Variants in HDAC7 observed in about 807,000 individuals in gnomAD.
HDAC7 encodes the protein histone deacetylase 7.
Under a neutral mutation model 115.5 loss-of-function variants are expected in HDAC7, and 26 were observed. The ratio of observed to expected loss-of-function variants is 0.23; its 90% confidence interval spans 0.16 to 0.31. The LOEUF (loss-of-function observed/expected upper bound fraction) is 0.31. Among genes scored for constraint, HDAC7 ranks in the 10% least tolerant of loss-of-function variants. HDAC7 has a pLI of 1.00. For missense variants in HDAC7, 1,068 were observed against 1,329.0 expected, an observed-to-expected ratio of 0.80 and a Z score of 3.05; for synonymous variants, 564 against 550.9, an observed-to-expected ratio of 1.02 and a Z score of -0.33.
At position 47,797,536 on chromosome 12, in the gene HDAC7, G is replaced by A. The variant is rs945219522; in HGVS notation, c.462-37C>T. On this transcript the variant is annotated intron_variant, in intron 5 of 25. Coordinates refer to ENST00000080059, the MANE Select transcript of HDAC7 (RefSeq NM_015401.5). The surrounding 1 kb of genome is among the most constrained non-coding windows in gnomAD (Gnocchi z 5.5). ...GTGCCAAGGCTGCTTCAGAGGTGTG[G>A]GGACACTGCACGGGCACTGCCCTGA... 23 of 1,505,332 alleles carry A rather than the reference G, an allele frequency of 1.5e-5. No individual in the cohort carries two copies. The highest frequency in any genetic ancestry group is 2.1e-5 in the Non-Finnish European group (23 of 1,093,644). The allele number at this position is 1,505,332 out of a possible 1,614,324, so 93.2% of individuals were successfully genotyped here.
chr12:47,787,950 C>T (rs1311338020), intron 20 of HDAC7, 95 bp downstream of exon 20: 3 of 1,577,128 alleles, frequency 1.9e-6, no homozygotes, highest in Non-Finnish European at 1.7e-6. Flanking sequence ...GCTCAGCAGT[C>T]TGCCCAGGAT....
At chr12:47,800,801 C>G (rs569375212) in intron 2 of HDAC7, among the ~76,000 whole-genome samples, 15 of 152,334 alleles carry the variant, frequency 9.8e-5, no homozygotes, top group Admixed American at 9.8e-4. Flanking sequence ...GGCCCTTCCC[C>G]TCACACTCTG....
At chr12:47,790,679 A>C in intron 16 of HDAC7, 1 of 161,642 alleles carries the variant, frequency 6.2e-6, no homozygotes, top group Non-Finnish European at 1.4e-5. Context: ...TTGAGAAACT[A>C]CTGCAGGGAT....
Position 47,795,021 on chromosome 12 carries a change from TCTTGCTAGGACTCCAG to T in HDAC7, c.1285-104_1285-89del. On this transcript the variant is annotated intron_variant, in intron 11 of 25. Coordinates refer to ENST00000080059, the MANE Select transcript of HDAC7 (RefSeq NM_015401.5). This position sits in a 1 kb window ranked among gnomAD's most constrained non-coding sequence, Gnocchi z 4.3. Reference sequence around the variant, plus strand: ...GTGGGCTGGGCCAGGCAGCCAGTCATCTTGCTAGGACTCCAGCTGCCATGCAGCTCTGGGCCCCAAG... The same window carrying T: ...GTGGGCTGGGCCAGGCAGCCAGTCATCTGCCATGCAGCTCTGGGCCCCAAG... The T allele has an allele frequency of 7.0e-7, 1 of 1,424,462 alleles. No individual in the cohort carries two copies. The highest frequency in any genetic ancestry group is 1.3e-5 in the South Asian group (1 of 76,448). 88.2% of individuals were successfully genotyped at this position (1,424,462 alleles called of 1,614,324 possible). A position where few individuals can be genotyped will look rare whatever the true frequency, so the allele number is the denominator to read the frequency against.
intron 1 of HDAC7, among the ~76,000 whole-genome samples, chr12:47,806,943 CTCTT>C (rs774833705): frequency 3.4e-5 from 5 of 147,860 alleles, no homozygotes; most frequent in Admixed American, 2.7e-4. Context: ...CTCTCTCTCT[CTCTT>C]TTTTTTTTTT....
At chr12:47,787,520 T>TG (rs1467897928) in intron 21 of HDAC7, among the ~76,000 whole-genome samples, 192 bp downstream of exon 21, 1 of 152,260 alleles carries the variant, frequency 6.6e-6, no homozygotes, top group Non-Finnish European at 1.5e-5. Flanking sequence ...CGGTAATGTA[T>TG]GCCTTTGCAA....
intron 20 of HDAC7, 43 bp from the exon 21 acceptor site, chr12:47,787,852 C>T (rs969881420): frequency 5.1e-6 from 8 of 1,574,876 alleles, no homozygotes; most frequent in Non-Finnish European, 6.9e-6. Context: ...CAGCAGAGTC[C>T]CAGAAGGGGA....
Position 47,798,588 on chromosome 12 carries a change from A to C in HDAC7, c.323T>G (p.Leu108Arg). The change falls in exon 4 of 26, where the codon CTT becomes CGT. Residue 108 changes from leucine (L) to arginine (R), a missense_variant. Leu to Arg is a moderately radical substitution (Grantham distance 102). Transcript: ENST00000080059. The surrounding 1 kb of genome is among the most constrained non-coding windows in gnomAD (Gnocchi z 4.3). ...VGPQEQELRQ[L>R]LHKDKSKRSA... is the part of the protein sequence containing the mutation. ...TCGCTTGCTCTTGTCCTTGTGGAGAAGCTGCCGCAGCTCTTGTTCCTGGGG... is the reference window on the plus strand; with the variant it reads ...TCGCTTGCTCTTGTCCTTGTGGAGACGCTGCCGCAGCTCTTGTTCCTGGGG... The C allele has an allele frequency of 1.2e-6, 2 of 1,613,988 alleles. No homozygotes were observed. The highest frequency in any genetic ancestry group is 1.7e-6 in the Non-Finnish European group (2 of 1,179,908).
Position 47,819,788 on chromosome 12 carries a change from A to AT in HDAC7, c.-4_-3insA. 1 of 523,986 alleles carries AT rather than the reference A, an allele frequency of 1.9e-6. No homozygotes were observed. The highest frequency in any genetic ancestry group is 2.3e-6 in the Non-Finnish European group (1 of 438,740). The allele number at this position is 523,986 out of a possible 1,614,324, so 32.5% of individuals were successfully genotyped here. A position where few individuals can be genotyped will look rare whatever the true frequency, so the allele number is the denominator to read the frequency against. ...TCACCAGCGCCGGGGCTGTGCATCC[A>AT]GGGGCCGGGGCCCTCAGAGCGGGGG... On this transcript the variant is annotated 5_prime_UTR_variant, in exon 1 of 26. In the 5' UTR this introduces an upstream ATG that the reference lacks. Transcript: ENST00000080059.
Position 47,798,418 on chromosome 12 carries a change from G to A in HDAC7, c.349+144C>T, listed in dbSNP as rs2136985962. The A allele has an allele frequency of 2.4e-6, 2 of 817,026 alleles. No homozygotes were observed. Among genetic ancestry groups the A allele is most frequent in the Admixed American group, 4.2e-5 (2 of 48,062 alleles). 50.6% of individuals were successfully genotyped at this position (817,026 alleles called of 1,614,324 possible). On this transcript the variant is annotated intron_variant, in intron 4 of 25. Transcript: ENST00000080059. This position sits in a 1 kb window ranked among gnomAD's most constrained non-coding sequence, Gnocchi z 4.3. Reference sequence around the variant, plus strand: ...CCCCACATCCCCCACACATTCACAGGCAGAGCCCAGGCAAGCAGAGGGAAA... The same window carrying A: ...CCCCACATCCCCCACACATTCACAGACAGAGCCCAGGCAAGCAGAGGGAAA...
At chr12:47,806,115 A>G (rs1476781538) in intron 1 of HDAC7, among the ~76,000 whole-genome samples, 1 of 152,244 alleles carries the variant, frequency 6.6e-6, no homozygotes, top group African/African-American at 2.4e-5. Flanking sequence ...GAAATTCTCT[A>G]TACTGCTCAT....
At chr12:47,796,379 A>C in intron 7 of HDAC7, 81 bp from the exon 8 acceptor site, 1 of 873,902 alleles carries the variant, frequency 1.1e-6, no homozygotes, top group Non-Finnish European at 1.8e-6. Context: ...GGTGCAGGAG[A>C]CCCGGGAGCA....
At chr12:47,809,998 G>C (rs576653105) in intron 1 of HDAC7, among the ~76,000 whole-genome samples, 1 of 152,122 alleles carries the variant, frequency 6.6e-6, no homozygotes, top group African/African-American at 2.4e-5. Context: ...CCAGACTGGA[G>C]TGCAGTGGCA....
Position 47,797,476 on chromosome 12 carries a change from T to C in HDAC7, c.485A>G (p.Glu162Gly). ...GCTGAGCATGGAGCGGGTGGCTCCT[T>C]CCGTCTCCAGGGGCTCCAGGGTTCT... is the stretch of plus-strand genomic sequence containing the variant. ...PYRTLEPLETEGATRSMLSSF... is the reference protein window; with the variant it reads ...PYRTLEPLETGGATRSMLSSF... Residue 162 changes from glutamate to glycine, a missense_variant, in exon 6 of 26, where the codon GAA (glutamate) becomes GGA (glycine). Physicochemically the swap from Glu to Gly is moderately conservative, Grantham distance 98 (BLOSUM62 -2). Coordinates refer to ENST00000080059, the MANE Select transcript of HDAC7 (RefSeq NM_015401.5). The surrounding 1 kb of genome is among the most constrained non-coding windows in gnomAD (Gnocchi z 5.5). The C allele has an allele frequency of 6.2e-7, 1 of 1,613,272 alleles. No individual in the cohort carries two copies. The highest frequency in any genetic ancestry group is 8.5e-7 in the Non-Finnish European group (1 of 1,179,576).
Position 47,798,552 on chromosome 12 carries a change from A to T in HDAC7, c.349+10T>A, listed in dbSNP as rs778818738. ...GGGGCTGGGCTGGGCTGGGGTGGCC[A>T]CCTCCTTACTTCGCTTGCTCTTGTC... is the stretch of plus-strand genomic sequence containing the variant. On this transcript the variant is annotated intron_variant, in intron 4 of 25. Transcript: ENST00000080059. This position sits in a 1 kb window ranked among gnomAD's most constrained non-coding sequence, Gnocchi z 4.3. 4 of 1,612,424 alleles carry T rather than the reference A, an allele frequency of 2.5e-6. No homozygotes were observed. The highest frequency in any genetic ancestry group is 3.4e-6 in the Non-Finnish European group (4 of 1,179,400).
intron 1 of HDAC7, among the ~76,000 whole-genome samples, chr12:47,807,405 CT>C (rs1944451535): frequency 6.6e-6 from 1 of 152,190 alleles, no homozygotes; most frequent in Non-Finnish European, 1.5e-5. Context: ...GAGGTATTTA[CT>C]GTTTTATCCC....
At chr12:47,809,338 G>A (rs1437392225) in intron 1 of HDAC7, among the ~76,000 whole-genome samples, 1 of 152,128 alleles carries the variant, frequency 6.6e-6, no homozygotes, top group Non-Finnish European at 1.5e-5. Context: ...CAGGCCGAGC[G>A]AGATGTGCCT....
rs778454926 is a variant in HDAC7, at chr12:47,791,235, CCT to C, written c.1983+22_1983+23del. The C allele has an allele frequency of 7.4e-4, 1,175 of 1,585,974 alleles. 3 individuals are homozygous for C. The highest frequency in any genetic ancestry group is 9.6e-4 in the Non-Finnish European group (1,118 of 1,165,346). ...GAGCTGAGAGCCCTGGCAACGCCCC[CCT>C]GAGACCCCTGGGCACACTTACCCCA... On this transcript the variant is annotated intron_variant, in intron 16 of 25. Coordinates refer to ENST00000080059, the MANE Select transcript of HDAC7 (RefSeq NM_015401.5).
intron 1 of HDAC7, among the ~76,000 whole-genome samples, chr12:47,812,214 G>C (rs1474741367): frequency 1.3e-5 from 2 of 152,196 alleles, no homozygotes; most frequent in African/African-American, 4.8e-5. Flanking sequence ...GAGAGGGAGT[G>C]AACAAGAGAA....
Sources: allele counts gnomAD v4.1 joint callset (sites outside exome capture counted in the v4.1 genomes callset), GRCh38; gene constraint gnomAD v4.1.1; non-coding constraint Gnocchi (gnomAD v3.1); transcripts MANE v1.5; gene names NCBI Gene and HGNC (gene_info 2026-07-23, HGNC 2026-07-21).